ZNF345: variants seen among roughly 807,000 people sequenced by gnomAD.
ZNF345 encodes zinc finger protein 345.
For missense variants in ZNF345, 527 were observed against 589.9 expected, an observed-to-expected ratio of 0.89 and a Z score of 1.10; for synonymous variants, 166 against 187.9, an observed-to-expected ratio of 0.88 and a Z score of 0.95.
At chr19:36,876,242 T>C (rs527257550) in intron 2 of ZNF345, among the ~76,000 whole-genome samples, 5 of 152,342 alleles carry the variant, frequency 3.3e-5, no homozygotes, top group African/African-American at 1.2e-4. Context: ...TAGTCTTTCA[T>C]TGGGAAACTG....
chr19:36,855,571 G>C (rs1280873129), intron 2 of ZNF345, among the ~76,000 whole-genome samples: 4 of 147,126 alleles, frequency 2.7e-5, no homozygotes, highest in African/African-American at 1.0e-4. Context: ...TCCTGCTTCA[G>C]CCTCCCGAGT....
rs749204425 is a variant in ZNF345 at position 36,876,896 on chromosome 19, C to G, written c.66C>G (p.Asn22Lys). The change falls in exon 3 of 3, where the codon AAC becomes AAG. Residue 22 changes from asparagine (N) to lysine (K), a missense_variant. Asn to Lys is a moderately conservative substitution (Grantham distance 94). Transcript: ENST00000420450. ...TCAGAGGTGATTGGGAATGTAAAAA[C>G]CAGTTTGAGAGAAAACAGGGATCTC... The part of the protein sequence containing the change: ...SSFRGDWECK[N>K]QFERKQGSQE... 2.5e-6 allele frequency: 4 copies of G among 1,613,898 alleles called. No homozygotes were observed. Among genetic ancestry groups the G allele is most frequent in the Non-Finnish European group, 3.4e-6 (4 of 1,179,946 alleles).
At chr19:36,868,348 T>C (rs966096489) in intron 2 of ZNF345, among the ~76,000 whole-genome samples, 13 of 152,148 alleles carry the variant, frequency 8.5e-5, no homozygotes, top group African/African-American at 3.1e-4. Context: ...GTTGTCTCAA[T>C]ACCATTTTTT....
At position 36,878,425 on chromosome 19, in the gene ZNF345, A is replaced by G; in HGVS notation, c.*128A>G. On this transcript the variant is annotated 3_prime_UTR_variant, in exon 3 of 3. Coordinates refer to ENST00000420450, the MANE Select transcript of ZNF345 (RefSeq NM_001242472.2). ...TTCACAGGTTAGTCAGTCTAAGAAT[A>G]TTTATACAGGAAAAAAATCACCCCA... The G allele has an allele frequency of 1.3e-6, 1 of 742,206 alleles. No homozygotes were observed. Among genetic ancestry groups the G allele is most frequent in the South Asian group, 3.9e-5 (1 of 25,370 alleles). The allele number at this position is 742,206 out of a possible 1,614,324, so 46.0% of individuals were successfully genotyped here.
At chr19:36,853,321 T>C (rs1189739570) in intron 2 of ZNF345, among the ~76,000 whole-genome samples, 1 of 149,438 alleles carries the variant, frequency 6.7e-6, no homozygotes, top group Non-Finnish European at 1.5e-5. Flanking sequence ...TGATCTCGGC[T>C]CACCACAACC....
chr19:36,878,010 G>A lies in ZNF345; in HGVS notation c.1180G>A (p.Gly394Ser). The A allele has an allele frequency of 3.1e-6, 5 of 1,613,938 alleles. No homozygotes were observed. The highest frequency in any genetic ancestry group is 4.2e-6 in the Non-Finnish European group (5 of 1,179,904). Reference protein sequence around the residue: ...KLIQHQLIHTGERPYECKECG... With the variant: ...KLIQHQLIHTSERPYECKECG... The stretch of plus-strand genomic sequence containing the variant: ...TATCCAACACCAGCTAATCCATACT[G>A]GTGAAAGACCCTATGAATGTAAAGA... The change falls in exon 3 of 3, where the codon GGT becomes AGT. Residue 394 changes from glycine to serine, a missense_variant. Transcript: ENST00000420450.
rs1250909912 is a variant in ZNF345, at chr19:36,879,039, C to T, written c.*742C>T. On this transcript the variant is annotated 3_prime_UTR_variant, in exon 3 of 3. Coordinates refer to ENST00000420450, the MANE Select transcript of ZNF345 (RefSeq NM_001242472.2). ...TTTCATTAGAGATGGGGTTTCACCA[C>T]GTTGGCCAGGATGGTCTCGATCTCT... 1.8e-5 allele frequency: 3 copies of T among 164,106 alleles called. No homozygotes were observed. Among genetic ancestry groups the T allele is most frequent in the African/African-American group, 2.4e-5 (1 of 41,372 alleles). 10.2% of individuals were successfully genotyped at this position (164,106 alleles called of 1,614,324 possible). A position where few individuals can be genotyped will look rare whatever the true frequency, so the allele number is the denominator to read the frequency against.
chr19:36,891,909 T>C, intron 3 of ZNF345: 1 of 1,614,068 alleles, frequency 6.2e-7, no homozygotes, highest in African/African-American at 1.3e-5. Flanking sequence ...ATTCATAAGG[T>C]TTCTCACCAG....
At chr19:36,876,301 A>C (rs1014509214) in intron 2 of ZNF345, among the ~76,000 whole-genome samples, 1 of 152,170 alleles carries the variant, frequency 6.6e-6, no homozygotes, top group Non-Finnish European at 1.5e-5. Flanking sequence ...TTATATGCAA[A>C]TTATGTTTAT....
At chr19:36,870,407 G>GT in intron 2 of ZNF345, among the ~76,000 whole-genome samples, 1 of 152,050 alleles carries the variant, frequency 6.6e-6, no homozygotes, top group African/African-American at 2.4e-5. Context: ...CTGACTGCTT[G>GT]TACCACTATT....
At chr19:36,853,083 T>A (rs561105724) in intron 2 of ZNF345, among the ~76,000 whole-genome samples, 1 of 152,176 alleles carries the variant, frequency 6.6e-6, no homozygotes, top group Admixed American at 6.5e-5. Context: ...TGCTCTGGTT[T>A]GACTTTTCAC....
Position 36,892,432 on chromosome 19 carries a change from T to C in ZNF345, c.47-386T>C, listed in dbSNP as rs368528170. On this transcript the variant is annotated intron_variant, in intron 3 of 3. Coordinates refer to the ZNF345 transcript ENST00000526123. ...TATTACTTGACTGAAATGTCTCTTCTTTAGAGATAATATTTTGGTCTCACA... is the reference window on the plus strand; with the variant it reads ...TATTACTTGACTGAAATGTCTCTTCCTTAGAGATAATATTTTGGTCTCACA... 4.8e-5 allele frequency: 77 copies of C among 1,602,404 alleles called. 1 individual carries two copies. In the South Asian group the frequency reaches 5.1e-4, roughly 11 times the overall value.
chr19:36,853,687 T>C (rs2072339746), intron 2 of ZNF345, among the ~76,000 whole-genome samples: 1 of 152,222 alleles, frequency 6.6e-6, no homozygotes. Flanking sequence ...TTTTCTGCAC[T>C]GATATGCAGT....
chr19:36,861,574 A>ATTTTTTTTTTTTTTTTTTTTT (rs1568352757), intron 2 of ZNF345, among the ~76,000 whole-genome samples: 6 of 152,056 alleles, frequency 3.9e-5, no homozygotes, highest in African/African-American at 1.4e-4. Flanking sequence ...TTATTTATTT[A>ATTTTTTTTTTTTTTTTTTTTT]TTTTTGAGAC....
intron 2 of ZNF345, chr19:36,854,734 GATGTAA>G (rs1414967565): frequency 6.6e-6 from 1 of 152,126 alleles, no homozygotes; most frequent in Non-Finnish European, 1.5e-5. Flanking sequence ...ATTAGATTTA[GATGTAA>G]ATGTAGATAT....
chr19:36,863,181 A>T (rs1019876030), intron 2 of ZNF345, among the ~76,000 whole-genome samples: 2 of 152,120 alleles, frequency 1.3e-5, no homozygotes, highest in African/African-American at 4.8e-5. Flanking sequence ...GTCATACTAT[A>T]TACTTGTCTC....
In ZNF345 at chr19:36,871,203, T is replaced by C. The variant is rs540063282; in HGVS notation, c.-46-5582T>C. Among the ~76,000 whole-genome samples, 11 of 152,316 alleles carry C rather than the reference T, an allele frequency of 7.2e-5. No homozygotes were observed. The East Asian group carries it at 2.1e-3, about 29-fold the overall frequency. On this transcript the variant is annotated intron_variant, in intron 2 of 2. Coordinates refer to ENST00000420450, the MANE Select transcript of ZNF345 (RefSeq NM_001242472.2). ...GGGAAAGGCAGTCCTCTGGGTACTC[T>C]TTTTTAAGGACATTAATTACATTCA...
intron 2 of ZNF345, among the ~76,000 whole-genome samples, chr19:36,855,999 C>T (rs193195769): frequency 1.0e-3 from 156 of 152,348 alleles, no homozygotes; most frequent in Non-Finnish European, 1.7e-3. Flanking sequence ...ACCCATACCA[C>T]TTGTGAGTTT....
At chr19:36,885,833 G>A (rs772506795) in intron 3 of ZNF345, among the ~76,000 whole-genome samples, 1 of 152,038 alleles carries the variant, frequency 6.6e-6, no homozygotes, top group Non-Finnish European at 1.5e-5. Flanking sequence ...ATACTGCTAC[G>A]GATATCCAAG....
Sources: allele counts gnomAD v4.1 joint callset (sites outside exome capture counted in the v4.1 genomes callset), GRCh38; gene constraint gnomAD v4.1.1; transcripts MANE v1.5; gene names NCBI Gene and HGNC (gene_info 2026-07-23, HGNC 2026-07-21).